FCHO2: variants seen among roughly 807,000 people sequenced by gnomAD.
The protein encoded by FCHO2 is F-BAR domain only protein 2.
In FCHO2, 43 loss-of-function variants were observed where a neutral mutation model predicts 114.1. The observed-to-expected ratio is 0.38, with a 90% CI of 0.30 to 0.49. FCHO2 has a LOEUF of 0.49. Ranked by LOEUF, FCHO2 falls within the 20% of genes least tolerant of loss-of-function variation. The pLI, the probability that FCHO2 is intolerant of heterozygous loss-of-function variation, is 0.97. For synonymous variants in FCHO2, 293 were observed against 315.2 expected, an observed-to-expected ratio of 0.93 and a Z score of 0.75; for missense variants, 807 against 950.4, an observed-to-expected ratio of 0.85 and a Z score of 1.98.
intron 2 of FCHO2, among the ~76,000 whole-genome samples, chr5:72,981,742 A>G (rs146288917): frequency 0.042 from 6,426 of 152,152 alleles, 439 homozygotes; most frequent in African/African-American, 0.14. Context: ...CGATTTGGCT[A>G]TTGATACTTG....
At chr5:73,055,886 T>G (rs956154395) in intron 15 of FCHO2, among the ~76,000 whole-genome samples, 179 bp from the exon 16 acceptor site, 6 of 152,180 alleles carry the variant, frequency 3.9e-5, no homozygotes, top group African/African-American at 7.2e-5. Flanking sequence ...GGTTTTGTAA[T>G]TTCAGTTATT....
intron 10 of FCHO2, chr5:73,037,817 C>T (rs1383934911): frequency 1.2e-5 from 4 of 346,780 alleles, no homozygotes; most frequent in Admixed American, 6.8e-5. Context: ...AATGCAATGG[C>T]GCGATCTTGG....
chr5:73,058,545 A>G (rs1757708802), intron 17 of FCHO2, 21 bp downstream of exon 17: 6 of 981,034 alleles, frequency 6.1e-6, no homozygotes, highest in Admixed American at 3.0e-5. Flanking sequence ...ATATGTATAT[A>G]TGTATTTTTT....
At chr5:72,972,350 A>G (rs1198788422) in intron 2 of FCHO2, among the ~76,000 whole-genome samples, 2 of 151,806 alleles carry the variant, frequency 1.3e-5, no homozygotes, top group African/African-American at 4.8e-5. Context: ...ATGTTCTTCC[A>G]TTTGTTTGTA....
chr5:72,975,946 G>A (rs187715420), intron 2 of FCHO2, among the ~76,000 whole-genome samples: 252 of 152,240 alleles, frequency 1.7e-3, no homozygotes, highest in Non-Finnish European at 3.1e-3. Context: ...CTGTGTGCAG[G>A]TTTTCGTGTG....
intron 17 of FCHO2, among the ~76,000 whole-genome samples, chr5:73,062,780 A>T (rs187220587): frequency 1.3e-5 from 2 of 151,882 alleles, no homozygotes; most frequent in Non-Finnish European, 1.5e-5. Context: ...TACTACCTCT[A>T]TGCACCTTCC....
At chr5:73,050,600 A>G (rs2112832990) in intron 11 of FCHO2, among the ~76,000 whole-genome samples, 1 of 152,294 alleles carries the variant, frequency 6.6e-6, no homozygotes, top group African/African-American at 2.4e-5. Flanking sequence ...TACAGGCGTG[A>G]GCCACTGCAC....
chr5:72,984,888 G>A (rs947569958), intron 2 of FCHO2, among the ~76,000 whole-genome samples: 6 of 151,888 alleles, frequency 4.0e-5, no homozygotes, highest in South Asian at 2.1e-4. Context: ...CTTCTGCCTC[G>A]GCCTCCCAAA....
chr5:72,979,478 G>T (rs1753073307), intron 2 of FCHO2, among the ~76,000 whole-genome samples: 2 of 119,256 alleles, frequency 1.7e-5, no homozygotes, highest in South Asian at 6.0e-4. Flanking sequence ...TGCAAGCTCC[G>T]CCTCCCGGGT....
intron 2 of FCHO2, among the ~76,000 whole-genome samples, chr5:72,981,544 A>G (rs1242288721): frequency 2.0e-5 from 3 of 152,188 alleles, no homozygotes; most frequent in African/African-American, 4.8e-5. Context: ...AGTGTTTTCC[A>G]ACTTGGTTCC....
chr5:73,082,728 C>T, intron 23 of FCHO2, 33 bp from the exon 24 acceptor site: 2 of 1,570,490 alleles, frequency 1.3e-6, no homozygotes, highest in Non-Finnish European at 1.7e-6. Flanking sequence ...CTATACTAGA[C>T]ACAAAACCTG....
intron 5 of FCHO2, among the ~76,000 whole-genome samples, chr5:73,000,074 C>T (rs753283133): frequency 8.6e-5 from 13 of 152,022 alleles, no homozygotes; most frequent in Non-Finnish European, 1.3e-4. Context: ...GGCACAATCA[C>T]GGCTCACTGT....
chr5:73,020,820 G>T, intron 8 of FCHO2: 1 of 911,320 alleles, frequency 1.1e-6, no homozygotes, highest in Non-Finnish European at 1.9e-6. Context: ...TCCTGTCTGC[G>T]ATGCTGCCGA....
intron 15 of FCHO2, among the ~76,000 whole-genome samples, chr5:73,054,858 G>A (rs1580175242): frequency 6.6e-6 from 1 of 152,222 alleles, no homozygotes; most frequent in Non-Finnish European, 1.5e-5. Context: ...TAACCAGAAA[G>A]CGTTTATAAG....
chr5:73,002,162 A>G (rs969970982), intron 5 of FCHO2, among the ~76,000 whole-genome samples: 7 of 152,172 alleles, frequency 4.6e-5, no homozygotes, highest in African/African-American at 1.4e-4. Context: ...TATAGTGAGA[A>G]TATCATGAGA....
intron 10 of FCHO2, among the ~76,000 whole-genome samples, chr5:73,039,015 C>G (rs1284595720): frequency 6.6e-6 from 1 of 152,104 alleles, no homozygotes; most frequent in Non-Finnish European, 1.5e-5. Flanking sequence ...AAACAGTTTT[C>G]CTTATCAATA....
chr5:72,960,241 A>G (rs1751781936), intron 1 of FCHO2, among the ~76,000 whole-genome samples: 1 of 152,196 alleles, frequency 6.6e-6, no homozygotes, highest in Admixed American at 6.5e-5. Context: ...TTTTCTTTAA[A>G]GTATAGGTTT....
intron 5 of FCHO2, among the ~76,000 whole-genome samples, chr5:72,992,726 A>G (rs1427510381): frequency 6.6e-6 from 1 of 152,230 alleles, no homozygotes; most frequent in Non-Finnish European, 1.5e-5. Context: ...TTTCATGACT[A>G]TTTTGGCCAT....
At chr5:73,013,436 A>G (rs1376949974) in intron 6 of FCHO2, among the ~76,000 whole-genome samples, 8 of 152,246 alleles carry the variant, frequency 5.3e-5, no homozygotes, top group African/African-American at 1.9e-4. Context: ...AACTGATTTA[A>G]TTTGGAAAAA....
Sources: allele counts gnomAD v4.1 joint callset (sites outside exome capture counted in the v4.1 genomes callset), GRCh38; gene constraint gnomAD v4.1.1; transcripts MANE v1.5; gene names NCBI Gene and HGNC (gene_info 2026-07-23, HGNC 2026-07-21).